Variants in PCDH15 observed in about 807,000 individuals in gnomAD.
PCDH15 encodes the protein protocadherin related 15.
A neutral mutation model predicts 178.5 loss-of-function variants in PCDH15; 129 were observed. The ratio of observed to expected loss-of-function variants is 0.72; its 90% CI spans 0.63 to 0.84. The LOEUF is 0.84. Among genes scored for constraint, PCDH15 ranks in the 40% least tolerant of loss-of-function variants. The pLI is 0.00. For missense variants in PCDH15, 2,230 were observed against 2,099.9 expected, an observed-to-expected ratio of 1.06 and a Z score of -1.21; for synonymous variants, 800 against 732.0, an observed-to-expected ratio of 1.09 and a Z score of -1.50.
chr10:55,594,636 A>G (rs1461301954), intron 2 of PCDH15, among the ~76,000 whole-genome samples: 2 of 152,006 alleles, frequency 1.3e-5, no homozygotes, highest in African/African-American at 2.4e-5. Flanking sequence ...TGTCCAATTC[A>G]ATCAAATGTT....
At chr10:54,969,875 C>T (rs1196384692) in intron 2 of PCDH15, among the ~76,000 whole-genome samples, 1 of 152,158 alleles carries the variant, frequency 6.6e-6, no homozygotes, top group Non-Finnish European at 1.5e-5. Context: ...AAAATATAGA[C>T]TCTATTACTC....
Position 54,871,453 on chromosome 10 carries a change from C to T in PCDH15, c.-29+25997G>A, listed in dbSNP as rs757706993. On this transcript the variant is annotated intron_variant, in intron 3 of 5. Coordinates refer to the PCDH15 transcript ENST00000458638. ...GAAAAAAAAAAAACACTGTAACTCACGTTACCAGCTTAACATCCCAAAAAG... is the reference window on the plus strand; with the variant it reads ...GAAAAAAAAAAAACACTGTAACTCATGTTACCAGCTTAACATCCCAAAAAG... Among the ~76,000 whole-genome samples the T allele has an allele frequency of 6.1e-5, 9 of 146,546 alleles. No homozygotes were observed. In the East Asian group the frequency reaches 6.3e-4, roughly 10 times the overall value.
At chr10:54,206,174 AC>A in intron 10 of PCDH15, among the ~76,000 whole-genome samples, 1 of 152,112 alleles carries the variant, frequency 6.6e-6, no homozygotes, top group East Asian at 1.9e-4. Context: ...GCTCTTGTAT[AC>A]CTTTCAATGA....
At chr10:54,771,369 T>C (rs1335160615) in intron 1 of PCDH15, among the ~76,000 whole-genome samples, 1 of 152,150 alleles carries the variant, frequency 6.6e-6, no homozygotes, top group Admixed American at 6.6e-5. Flanking sequence ...AACATACTTA[T>C]GTCTTCTTAT....
chr10:54,334,228 AT>A (rs1469794299), intron 6 of PCDH15, among the ~76,000 whole-genome samples: 1 of 152,186 alleles, frequency 6.6e-6, no homozygotes, highest in African/African-American at 2.4e-5. Context: ...ACAATTCTCC[AT>A]TTAGTAAAAT....
At chr10:54,968,225 A>G (rs1838842596) in intron 2 of PCDH15, among the ~76,000 whole-genome samples, 1 of 152,080 alleles carries the variant, frequency 6.6e-6, no homozygotes, top group Non-Finnish European at 1.5e-5. Context: ...CCAGCATCCC[A>G]CTGTCTACTT....
At chr10:54,882,062 T>G (rs868338301) in intron 3 of PCDH15, among the ~76,000 whole-genome samples, 14 of 152,254 alleles carry the variant, frequency 9.2e-5, no homozygotes, top group Admixed American at 2.6e-4. Context: ...GTTCATTTGA[T>G]GAATGCCTAC....
At chr10:55,526,874 T>A (rs1038724606) in intron 2 of PCDH15, among the ~76,000 whole-genome samples, 1 of 152,198 alleles carries the variant, frequency 6.6e-6, no homozygotes, top group South Asian at 2.1e-4. Flanking sequence ...TAGACATTGC[T>A]AAAATTCTTC....
chr10:54,454,854 G>T (rs530909458), intron 3 of PCDH15, among the ~76,000 whole-genome samples: 109 of 152,148 alleles, frequency 7.2e-4, no homozygotes, highest in Non-Finnish European at 1.3e-3. Context: ...GAGAAATTTT[G>T]TTTTATAACT....
intron 16 of PCDH15, among the ~76,000 whole-genome samples, chr10:54,084,366 GA>G (rs1419510328): frequency 2.6e-5 from 4 of 151,902 alleles, no homozygotes; most frequent in Non-Finnish European, 4.4e-5. Flanking sequence ...CCAGCTACTT[GA>G]GAGGCTGAGG....
At chr10:54,240,508 T>A (rs2131873697) in intron 8 of PCDH15, among the ~76,000 whole-genome samples, 1 of 152,072 alleles carries the variant, frequency 6.6e-6, no homozygotes, top group South Asian at 2.1e-4. Context: ...GTTCTCTGAC[T>A]TTAAACCTAG....
At chr10:54,533,094 A>C (rs2084102911) in intron 2 of PCDH15, among the ~76,000 whole-genome samples, 1 of 152,218 alleles carries the variant, frequency 6.6e-6, no homozygotes. Flanking sequence ...AAATGCATGT[A>C]TAGCTCACAT....
At chr10:54,755,555 A>G (rs1362837007) in intron 1 of PCDH15, among the ~76,000 whole-genome samples, 2 of 152,154 alleles carry the variant, frequency 1.3e-5, no homozygotes, top group Non-Finnish European at 2.9e-5. Context: ...ACGTTTTAGG[A>G]AGAGAATTTG....
chr10:55,458,586 C>A (rs1293402458), intron 2 of PCDH15, among the ~76,000 whole-genome samples: 1 of 151,938 alleles, frequency 6.6e-6, no homozygotes, highest in Non-Finnish European at 1.5e-5. Context: ...ATAAGAAACA[C>A]CAGTGTCTAT....
At chr10:54,442,459 T>TATATATATACAC (rs1469736625) in intron 3 of PCDH15, among the ~76,000 whole-genome samples, 7 of 93,444 alleles carry the variant, frequency 7.5e-5, no homozygotes, top group African/African-American at 2.9e-4. Context: ...TATATATATA[T>TATATATATACAC]ACAGTCTTTT....
intron 1 of PCDH15, among the ~76,000 whole-genome samples, chr10:55,271,433 GAT>G (rs1842441647): frequency 6.6e-6 from 1 of 151,912 alleles, no homozygotes; most frequent in Non-Finnish European, 1.5e-5. Context: ...TCTCTAATCA[GAT>G]ATGTTCTTAA....
At chr10:54,355,994 A>T (rs1362624739) in intron 5 of PCDH15, among the ~76,000 whole-genome samples, 1 of 152,058 alleles carries the variant, frequency 6.6e-6, no homozygotes, top group Non-Finnish European at 1.5e-5. Context: ...ACTAATAAAA[A>T]TGGTGGGTAA....
chr10:54,702,006 C>T (rs1015947844), intron 1 of PCDH15, among the ~76,000 whole-genome samples: 1 of 152,042 alleles, frequency 6.6e-6, no homozygotes, highest in African/African-American at 2.4e-5. Context: ...AATATACATT[C>T]TTCTCATCTG....
intron 1 of PCDH15, among the ~76,000 whole-genome samples, chr10:55,284,693 C>T (rs965428154): frequency 1.3e-5 from 2 of 151,970 alleles, no homozygotes; most frequent in Non-Finnish European, 1.5e-5. Flanking sequence ...AATCTCTAAC[C>T]TGTCTTTTGC....
Sources: allele counts gnomAD v4.1 joint callset (sites outside exome capture counted in the v4.1 genomes callset), GRCh38; gene constraint gnomAD v4.1.1; transcripts MANE v1.5; gene names NCBI Gene and HGNC (gene_info 2026-07-23, HGNC 2026-07-21).